EYS: variants seen among roughly 807,000 people sequenced by gnomAD.
EYS encodes protein eyes shut homolog.
In EYS, 250 loss-of-function variants were observed where a neutral mutation model predicts 282.1. The observed-to-expected ratio is 0.89, with a 90% CI of 0.80 to 0.98. The LOEUF is 0.98. Among genes scored for constraint, EYS ranks in the 50% least tolerant of loss-of-function variants. The pLI is 0.00. For synonymous variants in EYS, 1,355 were observed against 1,282.9 expected, an observed-to-expected ratio of 1.06 and a Z score of -1.20; for missense variants, 4,016 against 3,709.0, an observed-to-expected ratio of 1.08 and a Z score of -2.15.
chr6:65,079,749 A>T (rs1041413789), intron 12 of EYS, among the ~76,000 whole-genome samples: 13 of 152,212 alleles, frequency 8.5e-5, no homozygotes, highest in African/African-American at 2.9e-4. Context: ...TTTTAGGACA[A>T]TATACTCTAA....
At chr6:64,741,746 C>G (rs1772378585) in intron 22 of EYS, among the ~76,000 whole-genome samples, 1 of 152,218 alleles carries the variant, frequency 6.6e-6, no homozygotes, top group Admixed American at 6.5e-5. Context: ...GAAGCAACCA[C>G]TGCTGGCTTC....
At chr6:64,942,033 A>T (rs1177716172) in intron 15 of EYS, among the ~76,000 whole-genome samples, 1 of 152,128 alleles carries the variant, frequency 6.6e-6, no homozygotes, top group African/African-American at 2.4e-5. Flanking sequence ...AGAAATCTCC[A>T]AACTGCTCTC....
intron 19 of EYS, among the ~76,000 whole-genome samples, chr6:64,854,371 C>A (rs1035997237): frequency 2.0e-5 from 3 of 151,908 alleles, no homozygotes; most frequent in African/African-American, 7.3e-5. Flanking sequence ...CAACGATAGA[C>A]TGGATTAAGA....
intron 13 of EYS, among the ~76,000 whole-genome samples, chr6:65,030,912 C>G (rs1424600231): frequency 1.3e-5 from 2 of 151,948 alleles, no homozygotes; most frequent in African/African-American, 2.4e-5. Flanking sequence ...GACCCATATT[C>G]CATGCAATGA....
At position 65,267,927 on chromosome 6, in the gene EYS, T is replaced by A. The variant is rs1416849984; in HGVS notation, c.2023+27936A>T. Among the ~76,000 whole-genome samples the A allele has an allele frequency of 2.0e-5, 3 of 151,618 alleles. No homozygotes were observed. The East Asian group carries it at 5.8e-4, about 29-fold the overall frequency. On this transcript the variant is annotated intron_variant, in intron 12 of 42. Transcript: ENST00000503581. ...CCATATTGAAATTAACCTTAGAAAATGTGTGTCTCACTATCTCTCCCCTCT... is the reference window on the plus strand; with the variant it reads ...CCATATTGAAATTAACCTTAGAAAAAGTGTGTCTCACTATCTCTCCCCTCT...
At chr6:65,163,465 T>G (rs2150222963) in intron 12 of EYS, among the ~76,000 whole-genome samples, 1 of 151,442 alleles carries the variant, frequency 6.6e-6, no homozygotes, top group African/African-American at 2.4e-5. Context: ...GTTTTACAAT[T>G]CTAAAATTGG....
At chr6:65,318,078 A>G (rs1171074928) in intron 11 of EYS, among the ~76,000 whole-genome samples, 2 of 151,340 alleles carry the variant, frequency 1.3e-5, no homozygotes, top group Non-Finnish European at 2.9e-5. Context: ...CATGTTAGCC[A>G]GGATGGTCTT....
intron 35 of EYS, among the ~76,000 whole-genome samples, chr6:63,966,472 T>G (rs1582046155): frequency 6.6e-6 from 1 of 152,124 alleles, no homozygotes; most frequent in Non-Finnish European, 1.5e-5. Context: ...AGCTTACTCA[T>G]GTGACCAAAT....
At chr6:64,234,241 C>T (rs1766515392) in intron 30 of EYS, among the ~76,000 whole-genome samples, 1 of 148,524 alleles carries the variant, frequency 6.7e-6, no homozygotes, top group African/African-American at 2.5e-5. Context: ...GCATATATCT[C>T]ATGTAAAGAA....
chr6:65,422,306 T>C (rs1767496519), intron 5 of EYS, among the ~76,000 whole-genome samples: 1 of 151,924 alleles, frequency 6.6e-6, no homozygotes, highest in South Asian at 2.1e-4. Context: ...TTGATACAAA[T>C]ACTTACAATG....
At chr6:64,671,538 A>G (rs1007582428) in intron 22 of EYS, among the ~76,000 whole-genome samples, 1 of 152,182 alleles carries the variant, frequency 6.6e-6, no homozygotes. Flanking sequence ...GCTAAGAACC[A>G]TCTTTTTGAG....
At chr6:65,181,795 C>G (rs1229075850) in intron 12 of EYS, among the ~76,000 whole-genome samples, 1 of 152,070 alleles carries the variant, frequency 6.6e-6, no homozygotes, top group African/African-American at 2.4e-5. Flanking sequence ...ATAGCAAAGA[C>G]TTGGAACCAA....
chr6:64,556,674 G>T (rs962485282), intron 26 of EYS, among the ~76,000 whole-genome samples: 8 of 151,818 alleles, frequency 5.3e-5, no homozygotes, highest in Non-Finnish European at 1.0e-4. Context: ...GATAAAGGAG[G>T]AAATAATATC....
chr6:63,888,061 A>G (rs181113633), intron 35 of EYS, among the ~76,000 whole-genome samples: 1 of 152,340 alleles, frequency 6.6e-6, no homozygotes, highest in African/African-American at 2.4e-5. Context: ...AGTGCCTCAA[A>G]GAAACTGTAG....
chr6:65,385,315 T>C (rs563409351), intron 7 of EYS, among the ~76,000 whole-genome samples: 1 of 152,056 alleles, frequency 6.6e-6, no homozygotes, highest in Middle Eastern at 3.4e-3. Context: ...AAATCTGTTA[T>C]AAGAACACAA....
At chr6:65,363,726 G>A (rs1028705241) in intron 8 of EYS, among the ~76,000 whole-genome samples, 2 of 151,730 alleles carry the variant, frequency 1.3e-5, no homozygotes, top group Non-Finnish European at 2.9e-5. Context: ...CAATCTATCA[G>A]TAGTTTGCAT....
chr6:64,010,957 G>T (rs113047466), intron 33 of EYS, among the ~76,000 whole-genome samples: 1 of 151,514 alleles, frequency 6.6e-6, no homozygotes. Context: ...CTTTTTCTGA[G>T]TATATATATA....
chr6:63,893,393 G>A (rs547222651), intron 35 of EYS, among the ~76,000 whole-genome samples: 1 of 151,872 alleles, frequency 6.6e-6, no homozygotes, highest in Non-Finnish European at 1.5e-5. Flanking sequence ...ATACTATGCA[G>A]CCATAAAAAA....
chr6:65,483,808 G>T (rs1460753036), intron 5 of EYS, among the ~76,000 whole-genome samples: 1 of 152,096 alleles, frequency 6.6e-6, no homozygotes, highest in Non-Finnish European at 1.5e-5. Context: ...TCACAATCCT[G>T]GTGGAAGGCA....
Sources: allele counts gnomAD v4.1 joint callset (sites outside exome capture counted in the v4.1 genomes callset), GRCh38; gene constraint gnomAD v4.1.1; transcripts MANE v1.5; gene names NCBI Gene and HGNC (gene_info 2026-07-23, HGNC 2026-07-21).